MYO3B: variants seen among roughly 807,000 people sequenced by gnomAD.
The protein encoded by MYO3B is myosin IIIB.
A neutral mutation model predicts 174.6 loss-of-function variants in MYO3B; 156 were observed. The observed-to-expected ratio is 0.89, with a 90% CI of 0.78 to 1.02. The LOEUF (loss-of-function observed/expected upper bound fraction) is 1.02, where lower values mean the gene tolerates loss of function less well. Among genes scored for constraint, MYO3B ranks in the 50% least tolerant of loss-of-function variants. The pLI, the probability that MYO3B is intolerant of heterozygous loss-of-function variation, is 0.00. For synonymous variants in MYO3B, 563 were observed against 569.1 expected (o/e 0.99, Z 0.15); for missense variants, 1,632 against 1,639.4 (o/e 1.00, Z 0.08).
In MYO3B at chr2:170,402,776, G is replaced by A. The variant is rs1278359970; in HGVS notation, c.2130-72G>A. 9.2e-6 allele frequency: 13 copies of A among 1,406,104 alleles called. No individual in the cohort carries two copies. In the South Asian group the frequency reaches 1.9e-4, roughly 21 times the overall value. The allele number at this position is 1,406,104 out of a possible 1,614,324, so 87.1% of individuals were successfully genotyped here. Reference sequence around the variant, plus strand: ...GGTACTTGAGCTGATAAGCACTTGGGCACATATATTCTCATCCTCTTTAGG... The same window carrying A: ...GGTACTTGAGCTGATAAGCACTTGGACACATATATTCTCATCCTCTTTAGG... On this transcript the variant is annotated intron_variant, in intron 18 of 34. Coordinates refer to ENST00000408978, the MANE Select transcript of MYO3B (RefSeq NM_138995.5).
At chr2:170,592,083 G>A (rs1693850878) in intron 32 of MYO3B, among the ~76,000 whole-genome samples, 1 of 152,134 alleles carries the variant, frequency 6.6e-6, no homozygotes, top group Non-Finnish European at 1.5e-5. Context: ...GTATGAAGAG[G>A]TTAAATCATT....
At chr2:170,361,098 G>A (rs2094157188) in intron 8 of MYO3B, among the ~76,000 whole-genome samples, 1 of 152,142 alleles carries the variant, frequency 6.6e-6, no homozygotes, top group Non-Finnish European at 1.5e-5. Context: ...TACAGTGTCT[G>A]GCCCAGGGAG....
At chr2:170,290,190 C>T (rs1378714614) in intron 7 of MYO3B, among the ~76,000 whole-genome samples, 2 of 151,906 alleles carry the variant, frequency 1.3e-5, no homozygotes, top group Non-Finnish European at 2.9e-5. Flanking sequence ...AGCAGTTGGG[C>T]CTATTAGATT....
intron 25 of MYO3B, among the ~76,000 whole-genome samples, chr2:170,484,316 A>G (rs1461971361): frequency 6.6e-6 from 1 of 152,254 alleles, no homozygotes; most frequent in East Asian, 1.9e-4. Flanking sequence ...GCCCATCCTC[A>G]AAATAAATAA....
At chr2:170,641,690 A>C (rs865846160) in intron 32 of MYO3B, among the ~76,000 whole-genome samples, 5 of 152,146 alleles carry the variant, frequency 3.3e-5, no homozygotes, top group Admixed American at 6.5e-5. Context: ...AGCAGTTACT[A>C]CTATTGTGGG....
chr2:170,547,849 C>T (rs765371964), intron 32 of MYO3B, among the ~76,000 whole-genome samples: 5 of 151,890 alleles, frequency 3.3e-5, no homozygotes, highest in African/African-American at 1.2e-4. Flanking sequence ...TGAAGAGTTA[C>T]GGGGAGAAAA....
chr2:170,479,740 A>G (rs993446967), intron 25 of MYO3B, among the ~76,000 whole-genome samples: 17 of 147,600 alleles, frequency 1.2e-4, no homozygotes, highest in African/African-American at 3.9e-4. Context: ...TTTAATATAT[A>G]TACCCACATA....
At chr2:170,515,756 C>A (rs1481977916) in intron 29 of MYO3B, among the ~76,000 whole-genome samples, 2 of 151,978 alleles carry the variant, frequency 1.3e-5, no homozygotes, top group Non-Finnish European at 2.9e-5. Context: ...ATCTGCCAGC[C>A]CCAGCGCCAC....
At chr2:170,626,802 T>C (rs1696479709) in intron 32 of MYO3B, among the ~76,000 whole-genome samples, 2 of 152,298 alleles carry the variant, frequency 1.3e-5, no homozygotes, top group Non-Finnish European at 2.9e-5. Context: ...CTCCTTCACT[T>C]ATGAAGCTTA....
chr2:170,565,877 T>C (rs1559121140), intron 32 of MYO3B, among the ~76,000 whole-genome samples: 1 of 152,190 alleles, frequency 6.6e-6, no homozygotes, highest in Non-Finnish European at 1.5e-5. Flanking sequence ...ATAAGCATAA[T>C]CATTTTAGAT....
In MYO3B at chr2:170,443,195, C is replaced by T. The variant is rs766372073; in HGVS notation, c.2651-772C>T. ...TTTTAATGACCGCCATTCTAACTGG[C>T]GTGAGATGGTATCTCATTGTGGTTT... On this transcript the variant is annotated intron_variant, in intron 22 of 34. Coordinates refer to ENST00000408978, the MANE Select transcript of MYO3B (RefSeq NM_138995.5). Among the ~76,000 whole-genome samples, 25 of 152,138 alleles carry T rather than the reference C, an allele frequency of 1.6e-4. 1 individual carries two copies. Among genetic ancestry groups the T allele is most frequent in the African/African-American group, 2.2e-4 (9 of 41,422 alleles).
chr2:170,274,764 A>C (rs1465197943), intron 7 of MYO3B, among the ~76,000 whole-genome samples: 1 of 152,208 alleles, frequency 6.6e-6, no homozygotes, highest in Non-Finnish European at 1.5e-5. Context: ...TGTAAATTTT[A>C]ACTTAATAAA....
chr2:170,437,959 T>C (rs2094767847), intron 22 of MYO3B, among the ~76,000 whole-genome samples: 1 of 139,108 alleles, frequency 7.2e-6, no homozygotes, highest in South Asian at 2.2e-4. Flanking sequence ...ATATATAACA[T>C]GAAATCTCTC....
intron 7 of MYO3B, among the ~76,000 whole-genome samples, chr2:170,267,751 T>C (rs1372859251): frequency 6.6e-6 from 1 of 152,178 alleles, no homozygotes; most frequent in Non-Finnish European, 1.5e-5. Context: ...TAGTAATCTG[T>C]GGTAATATTT....
intron 33 of MYO3B, 35 bp from the exon 34 acceptor site, chr2:170,652,073 T>G (rs1452195293): frequency 6.3e-7 from 1 of 1,594,228 alleles, no homozygotes; most frequent in Non-Finnish European, 8.5e-7. Context: ...ACTTGCTGCT[T>G]TGCTTTGACT....
intron 32 of MYO3B, among the ~76,000 whole-genome samples, chr2:170,546,622 G>A (rs1459278622): frequency 6.6e-6 from 1 of 152,156 alleles, no homozygotes; most frequent in Non-Finnish European, 1.5e-5. Context: ...AATTCCCCTT[G>A]ATCTTAGAAA....
intron 7 of MYO3B, chr2:170,333,807 C>T (rs2093928255): frequency 6.6e-6 from 1 of 152,138 alleles, no homozygotes; most frequent in East Asian, 1.9e-4. Context: ...TTATTCTACC[C>T]ACATATGGTG....
chr2:170,503,828 C>G (rs1302596877), intron 28 of MYO3B, among the ~76,000 whole-genome samples: 1 of 152,136 alleles, frequency 6.6e-6, no homozygotes. Context: ...GCAGCCAGAG[C>G]AAAGGCAGAC....
chr2:170,320,028 T>G (rs900602587), intron 7 of MYO3B, among the ~76,000 whole-genome samples: 1 of 152,222 alleles, frequency 6.6e-6, no homozygotes, highest in Non-Finnish European at 1.5e-5. Flanking sequence ...TACTAAAGGT[T>G]GTCCTTCAGG....
Sources: gnomAD v4.1 joint callset for allele counts (sites outside exome capture counted in the v4.1 genomes callset) on GRCh38, gnomAD v4.1.1 for gene constraint, MANE v1.5 for transcripts, NCBI Gene and HGNC (gene_info 2026-07-23, HGNC 2026-07-21) for gene names.